Variants in ME1 observed in about 807,000 individuals in gnomAD.
ME1 encodes NADP-dependent malic enzyme.
A neutral mutation model predicts 66.4 loss-of-function variants in ME1; 74 were observed. The observed-to-expected ratio is 1.11, with a 90% CI of 0.92 to 1.35. The LOEUF is 1.35. ME1 is among the 40% of genes most tolerant of loss of function. The pLI is 0.00. For missense variants in ME1, 750 were observed against 694.1 expected, an observed-to-expected ratio of 1.08 and a Z score of -0.90; for synonymous variants, 251 against 235.6, an observed-to-expected ratio of 1.07 and a Z score of -0.60.
intron 3 of ME1, among the ~76,000 whole-genome samples, chr6:83,374,085 A>G (rs1256113241): frequency 6.6e-6 from 1 of 152,252 alleles, no homozygotes; most frequent in Admixed American, 6.5e-5. Context: ...TCTTTATAAT[A>G]GAATGATTTA....
intron 3 of ME1, among the ~76,000 whole-genome samples, chr6:83,389,087 C>G (rs976002986): frequency 6.6e-6 from 1 of 152,146 alleles, no homozygotes; most frequent in South Asian, 2.1e-4. Flanking sequence ...CCACTACACT[C>G]TAGCCTGGGT....
chr6:83,430,702 AT>A (rs1177647282), intron 1 of ME1, among the ~76,000 whole-genome samples, 174 bp downstream of exon 1: 1 of 152,202 alleles, frequency 6.6e-6, no homozygotes, highest in Non-Finnish European at 1.5e-5. Context: ...TACGGACCCG[AT>A]TAGGCGTCCT....
Position 83,367,235 on chromosome 6 carries a change from G to A in ME1, c.363-15096C>T, listed in dbSNP as rs555310970. Among the ~76,000 whole-genome samples, 12 of 152,258 alleles carry A rather than the reference G, an allele frequency of 7.9e-5. No homozygotes were observed. The South Asian group carries it at 1.7e-3, about 21-fold the overall frequency. On this transcript the variant is annotated intron_variant, in intron 3 of 13. Transcript: ENST00000369705. ...ACAGTAAATCATGCTGTAAACAGAT[G>A]TGCTGTCATCCAGACTCTTGTTCCA...
At chr6:83,281,806 CAAA>C (rs140157932) in intron 6 of ME1, among the ~76,000 whole-genome samples, 197 of 13,106 alleles carry the variant, frequency 0.015, no homozygotes, top group African/African-American at 0.052. Context: ...ACTCTGTCTC[CAAA>C]AAAAAAAAAA....
chr6:83,429,242 G>A (rs962667446), intron 1 of ME1, among the ~76,000 whole-genome samples: 1 of 152,062 alleles, frequency 6.6e-6, no homozygotes, highest in Non-Finnish European at 1.5e-5. Context: ...CAACCTGGGC[G>A]ACAGAGCGCG....
chr6:83,407,160 C>A (rs553179405), intron 2 of ME1, among the ~76,000 whole-genome samples: 3 of 152,230 alleles, frequency 2.0e-5, no homozygotes, highest in African/African-American at 7.2e-5. Context: ...AAACTAAGGT[C>A]TACAAAGGCT....
At chr6:83,311,478 A>G (rs1034514169) in intron 6 of ME1, among the ~76,000 whole-genome samples, 3 of 152,188 alleles carry the variant, frequency 2.0e-5, no homozygotes, top group Non-Finnish European at 2.9e-5. Context: ...CTGAAATGCC[A>G]GGAATGCTGT....
At chr6:83,212,148 C>CCCATGATT (rs1789902710) in intron 13 of ME1, 54 bp from the exon 14 acceptor site, 2 of 1,308,370 alleles carry the variant, frequency 1.5e-6, no homozygotes, top group Non-Finnish European at 2.1e-6. Flanking sequence ...TAATCATGAG[C>CCCATGATT]CCATGTGAGT....
intron 6 of ME1, among the ~76,000 whole-genome samples, chr6:83,272,851 T>C (rs1490716214): frequency 6.6e-6 from 1 of 152,102 alleles, no homozygotes; most frequent in African/African-American, 2.4e-5. Context: ...GTAAACTAAT[T>C]CTCTAAAAGC....
chr6:83,231,213 A>T (rs1790301445), intron 9 of ME1, among the ~76,000 whole-genome samples: 1 of 152,190 alleles, frequency 6.6e-6, no homozygotes, highest in Non-Finnish European at 1.5e-5. Flanking sequence ...TGAAAAGAAA[A>T]AGATATATAC....
chr6:83,412,515 C>A (rs929704512), intron 1 of ME1, among the ~76,000 whole-genome samples: 7 of 151,786 alleles, frequency 4.6e-5, no homozygotes, highest in African/African-American at 1.7e-4. Context: ...TTGGAGAAGA[C>A]AAAGCAGAAA....
At chr6:83,269,776 G>A (rs1460663795) in intron 6 of ME1, among the ~76,000 whole-genome samples, 1 of 152,146 alleles carries the variant, frequency 6.6e-6, no homozygotes, top group Non-Finnish European at 1.5e-5. Context: ...CTTCCAAAAT[G>A]ACCCAAACGG....
rs1328638297 is a variant in ME1 at position 83,349,000 on chromosome 6, A to C, written c.439-2666T>G. On this transcript the variant is annotated intron_variant, in intron 4 of 13. Transcript: ENST00000369705. ...ACTCTGTCTCAAAAAAAAAAAAAAA[A>C]ACAAAAAACAAAAAACAGTGCATTC... Among the ~76,000 whole-genome samples the C allele has an allele frequency of 1.4e-4, 20 of 144,102 alleles. 2 individuals are homozygous for C. Among genetic ancestry groups the C allele is most frequent in the Non-Finnish European group, 2.2e-4 (15 of 67,188 alleles). 94.5% of individuals were successfully genotyped at this position (144,102 alleles called of 152,430 possible). A position where few individuals can be genotyped will look rare whatever the true frequency, so the allele number is the denominator to read the frequency against.
At chr6:83,261,060 A>T (rs1766878265) in intron 6 of ME1, among the ~76,000 whole-genome samples, 1 of 152,152 alleles carries the variant, frequency 6.6e-6, no homozygotes, top group Admixed American at 6.5e-5. Context: ...TGGCTGAACT[A>T]ATTTACACTC....
At chr6:83,429,123 C>G (rs948180856) in intron 1 of ME1, among the ~76,000 whole-genome samples, 1 of 152,022 alleles carries the variant, frequency 6.6e-6, no homozygotes, top group Non-Finnish European at 1.5e-5. Flanking sequence ...ATTTGCCGGG[C>G]ATGGTGGCGG....
intron 12 of ME1, among the ~76,000 whole-genome samples, chr6:83,218,873 T>C (rs1007472936): frequency 3.9e-5 from 6 of 152,326 alleles, no homozygotes; most frequent in African/African-American, 1.4e-4. Context: ...GGGTTTTCTC[T>C]AACTGCTACT....
At position 83,253,707 on chromosome 6, in the gene ME1, C is replaced by A. The variant is rs1424613691; in HGVS notation, c.736G>T (p.Asp246Tyr). 1 of 1,609,104 alleles carries A rather than the reference C, an allele frequency of 6.2e-7. No individual in the cohort carries two copies. Among genetic ancestry groups the A allele is most frequent in the East Asian group, 2.2e-5 (1 of 44,736 alleles). ...YGMNCLIQFE[D>Y]FANVNAFRLL... The stretch of plus-strand genomic sequence containing the variant: ...CGAAATGCATTCACATTGGCAAAAT[C>A]TTCAAACTGAATAAGGCAATTCATG... The change falls in exon 7 of 14, where the codon GAT becomes TAT. Residue 246 changes from aspartate to tyrosine, a missense_variant. Asp to Tyr is a radical substitution (Grantham distance 160). Coordinates refer to ENST00000369705, the MANE Select transcript of ME1 (RefSeq NM_002395.6).
chr6:83,315,410 ACTC>A lies in ME1; in HGVS notation c.601_603del (p.Glu201del), dbSNP rs947720764. The A allele has an allele frequency of 1.3e-6, 2 of 1,553,792 alleles. No individual in the cohort carries two copies. The highest frequency in any genetic ancestry group is 1.8e-6 in the Non-Finnish European group (2 of 1,138,232). The stretch of plus-strand genomic sequence containing the variant: ...CCAATGTAGAGTGGATCTTTAAGTA[ACTC>A]CTATTAAAAAAAGTTACCATAAAAA... On this transcript the variant is annotated inframe_deletion and splice_region_variant, in exon 6 of 14. Coordinates refer to ENST00000369705, the MANE Select transcript of ME1 (RefSeq NM_002395.6).
chr6:83,419,656 G>A (rs1770229752), intron 1 of ME1, among the ~76,000 whole-genome samples: 1 of 152,112 alleles, frequency 6.6e-6, no homozygotes, highest in African/African-American at 2.4e-5. Flanking sequence ...TTTTTATAAA[G>A]CGAATCTATA....
Sources: gnomAD v4.1 joint callset for allele counts (sites outside exome capture counted in the v4.1 genomes callset) on GRCh38, gnomAD v4.1.1 for gene constraint, MANE v1.5 for transcripts, NCBI Gene and HGNC (gene_info 2026-07-23, HGNC 2026-07-21) for gene names.